Variants in ADAMTSL1 observed in about 807,000 individuals in gnomAD.
ADAMTSL1 encodes the protein ADAMTS like 1.
ADAMTSL1 carries 126 observed loss-of-function variants against 201.8 expected under a neutral mutation model. The observed-to-expected ratio is 0.62, with a 90% CI of 0.54 to 0.72. The LOEUF is 0.72. Ranked by LOEUF, ADAMTSL1 falls within the 30% of genes least tolerant of loss-of-function variation. The pLI, the probability that ADAMTSL1 is intolerant of heterozygous loss-of-function variation, is 0.00. For synonymous variants in ADAMTSL1, 1,121 were observed against 903.4 expected, an observed-to-expected ratio of 1.24 and a Z score of -4.32; for missense variants, 2,679 against 2,277.8, an observed-to-expected ratio of 1.18 and a Z score of -3.59.
chr9:18,771,705 C>CTTTTTTTTTT lies in ADAMTSL1; in HGVS notation c.2397+943_2397+952dup, dbSNP rs374268861. On this transcript the variant is annotated intron_variant, in intron 17 of 28. Transcript: ENST00000380548. ...GAATTTGCCTTCCTAACCCCAGTGC[C>CTTTTTTTTTT]TTTTTTTTTTTTTTTTTTTTTTTTT... Among the ~76,000 whole-genome samples, 7 of 91,756 alleles carry CTTTTTTTTTT rather than the reference C, an allele frequency of 7.6e-5. 1 individual carries two copies. Among genetic ancestry groups the CTTTTTTTTTT allele is most frequent in the Admixed American group, 1.5e-4 (1 of 6,836 alleles). 60.2% of individuals were successfully genotyped at this position (91,756 alleles called of 152,430 possible).
intron 23 of ADAMTSL1, among the ~76,000 whole-genome samples, chr9:18,877,318 A>C (rs918176677): frequency 1.3e-5 from 2 of 152,028 alleles, no homozygotes; most frequent in Non-Finnish European, 2.9e-5. Flanking sequence ...TTGTCATAAT[A>C]CCAGGATTGT....
At chr9:18,679,812 C>G (rs1830347470) in intron 10 of ADAMTSL1, among the ~76,000 whole-genome samples, 1 of 141,010 alleles carries the variant, frequency 7.1e-6, no homozygotes, top group Admixed American at 7.2e-5. Flanking sequence ...TTACCTTGAT[C>G]TTTTATGAGC....
intron 20 of ADAMTSL1, among the ~76,000 whole-genome samples, chr9:18,807,577 C>T (rs961707232): frequency 6.8e-6 from 1 of 147,782 alleles, no homozygotes; most frequent in African/African-American, 2.5e-5. Flanking sequence ...ACCCGGGAGG[C>T]GGAGCTTGCA....
At chr9:18,294,413 TG>T (rs1833391730) in intron 2 of ADAMTSL1, among the ~76,000 whole-genome samples, 1 of 152,070 alleles carries the variant, frequency 6.6e-6, no homozygotes, top group African/African-American at 2.4e-5. Context: ...GCCATAGGAG[TG>T]AAGAGAGCCA....
At chr9:18,472,838 A>C (rs930082819), upstream of ADAMTSL1, among the ~76,000 whole-genome samples, 8 of 152,238 alleles carry the variant, frequency 5.3e-5, no homozygotes, top group Non-Finnish European at 1.2e-4. Flanking sequence ...ACCTATGGCA[A>C]TGTAAGGCCA....
At chr9:18,766,308 G>T (rs988533581) in intron 16 of ADAMTSL1, among the ~76,000 whole-genome samples, 1 of 152,218 alleles carries the variant, frequency 6.6e-6, no homozygotes, top group African/African-American at 2.4e-5. Flanking sequence ...GGTTAGAGGA[G>T]TATAGATTAT....
chr9:18,404,724 T>C (rs1372553854), intron 2 of ADAMTSL1, among the ~76,000 whole-genome samples: 1 of 152,176 alleles, frequency 6.6e-6, no homozygotes, highest in Non-Finnish European at 1.5e-5. Flanking sequence ...CCATTAAAGC[T>C]CATCAGTGGG....
intron 1 of ADAMTSL1, among the ~76,000 whole-genome samples, chr9:17,919,446 A>G (rs1022729395): frequency 2.6e-5 from 4 of 151,966 alleles, no homozygotes; most frequent in Admixed American, 1.3e-4. Context: ...TGTGAATTCA[A>G]AAAGAAATCT....
chr9:18,305,379 G>C (rs563514972), intron 2 of ADAMTSL1, among the ~76,000 whole-genome samples: 1 of 152,134 alleles, frequency 6.6e-6, no homozygotes, highest in Non-Finnish European at 1.5e-5. Flanking sequence ...CCTAGAAAGG[G>C]GGCTGAAGCC....
At chr9:17,983,076 C>CTTTTTTTTTTTTT in intron 1 of ADAMTSL1, among the ~76,000 whole-genome samples, 1 of 114,206 alleles carries the variant, frequency 8.8e-6, no homozygotes, top group South Asian at 3.0e-4. Flanking sequence ...TTCTTTCTTT[C>CTTTTTTTTTTTTT]TTTTTTTTTT....
chr9:18,700,795 C>G (rs966285259), intron 13 of ADAMTSL1, among the ~76,000 whole-genome samples: 18 of 152,008 alleles, frequency 1.2e-4, no homozygotes, highest in Non-Finnish European at 2.6e-4. Context: ...TTCCAGATCC[C>G]TCTGTGGCCA....
intron 2 of ADAMTSL1, among the ~76,000 whole-genome samples, chr9:18,243,641 T>C (rs188003143): frequency 6.6e-6 from 1 of 152,182 alleles, no homozygotes; most frequent in East Asian, 1.9e-4. Context: ...CAAAACTGTT[T>C]CCTTAAGCCT....
intron 13 of ADAMTSL1, among the ~76,000 whole-genome samples, chr9:18,705,051 C>T (rs1479062969): frequency 6.6e-6 from 1 of 152,198 alleles, no homozygotes; most frequent in Admixed American, 6.5e-5. Flanking sequence ...CACCCCTGTT[C>T]CACATGAAGC....
intron 5 of ADAMTSL1, among the ~76,000 whole-genome samples, chr9:18,626,779 T>C (rs1373219389): frequency 6.6e-6 from 1 of 151,698 alleles, no homozygotes; most frequent in Non-Finnish European, 1.5e-5. Flanking sequence ...AGTGATCCAA[T>C]CATAGATATA....
At chr9:18,802,090 C>A (rs1457658815) in intron 20 of ADAMTSL1, among the ~76,000 whole-genome samples, 2 of 152,044 alleles carry the variant, frequency 1.3e-5, no homozygotes, top group African/African-American at 2.4e-5. Flanking sequence ...CCAGCCTGGG[C>A]AACAGAGAGA....
intron 23 of ADAMTSL1, among the ~76,000 whole-genome samples, chr9:18,838,278 A>G (rs1825447554): frequency 6.6e-6 from 1 of 151,898 alleles, no homozygotes; most frequent in South Asian, 2.1e-4. Context: ...GTCACCTCCC[A>G]GCAGGTTTCT....
intron 2 of ADAMTSL1, among the ~76,000 whole-genome samples, chr9:18,226,465 T>A (rs2132385513): frequency 6.6e-6 from 1 of 152,330 alleles, no homozygotes; most frequent in Middle Eastern, 3.4e-3. Context: ...CTTCATACTC[T>A]TTATCAGATA....
intron 2 of ADAMTSL1, among the ~76,000 whole-genome samples, chr9:18,386,328 G>T (rs972787118): frequency 6.6e-6 from 1 of 152,134 alleles, no homozygotes; most frequent in African/African-American, 2.4e-5. Context: ...CAGCTTTTTA[G>T]CTCTGCATGA....
chr9:18,774,971 A>G (rs1191638732), intron 17 of ADAMTSL1, among the ~76,000 whole-genome samples: 6 of 152,200 alleles, frequency 3.9e-5, no homozygotes, highest in Admixed American at 3.9e-4. Context: ...CTGTTTTCTA[A>G]AGAGGCTGTA....
Sources: allele counts gnomAD v4.1 joint callset (sites outside exome capture counted in the v4.1 genomes callset), GRCh38; gene constraint gnomAD v4.1.1; transcripts MANE v1.5; gene names NCBI Gene and HGNC (gene_info 2026-07-23, HGNC 2026-07-21).